Variants in TASP1 observed in about 807,000 individuals in gnomAD.
TASP1 encodes threonine aspartase 1.
A neutral mutation model predicts 56.6 loss-of-function variants in TASP1; 16 were observed. That is an observed-to-expected ratio of 0.28 (90% CI 0.19 to 0.43). The LOEUF is 0.43. TASP1 is among the 20% of genes least tolerant of loss of function. TASP1 has a pLI of 1.00. For synonymous variants in TASP1, 179 were observed against 184.2 expected (o/e 0.97, Z 0.23); for missense variants, 393 against 511.6 (o/e 0.77, Z 2.24).
At chr20:13,381,869 G>A in the TASP1 span, among the ~76,000 whole-genome samples, 1 of 152,194 alleles carries the variant, frequency 6.6e-6, no homozygotes, top group African/African-American at 2.4e-5. Context: ...GCGGGGCAAG[G>A]GTGATTGGGA....
chr20:13,137,214 A>G, the TASP1 span, among the ~76,000 whole-genome samples: 1 of 152,180 alleles, frequency 6.6e-6, no homozygotes, highest in Non-Finnish European at 1.5e-5. Context: ...CCTCCTCACA[A>G]TAAATCTTTC....
chr20:13,609,301 A>G (rs1347172760), intron 4 of TASP1, among the ~76,000 whole-genome samples: 1 of 152,236 alleles, frequency 6.6e-6, no homozygotes, highest in Admixed American at 6.5e-5. Flanking sequence ...AAGTGCTAAC[A>G]AAGATGTAGA....
At chr20:13,240,910 A>G in the TASP1 span, among the ~76,000 whole-genome samples, 1 of 152,150 alleles carries the variant, frequency 6.6e-6, no homozygotes, top group Non-Finnish European at 1.5e-5. Context: ...TTTATATGGG[A>G]CATGTGGAAT....
the TASP1 span, among the ~76,000 whole-genome samples, chr20:13,246,336 C>G: frequency 0.036 from 5,429 of 151,824 alleles, 168 homozygotes; most frequent in African/African-American, 0.076. Context: ...TCTGAACCCT[C>G]ACAGCATGGT....
In TASP1 at chr20:13,562,212, A is replaced by G. The variant is rs181104820; in HGVS notation, c.569-3098T>C. 1.5e-3 allele frequency among the ~76,000 whole-genome samples: 226 copies of G among 152,332 alleles called. 1 individual carries two copies. The highest frequency in any genetic ancestry group is 4.8e-3 in the African/African-American group (201 of 41,588). On this transcript the variant is annotated intron_variant, in intron 7 of 13. Transcript: ENST00000337743. The stretch of plus-strand genomic sequence containing the variant: ...CACAAAGGAATCAGAAAATCCTCAG[A>G]TAAGAATAAAAATTAATACACCAAA...
chr20:13,383,277 T>C, the TASP1 span, among the ~76,000 whole-genome samples: 1 of 152,276 alleles, frequency 6.6e-6, no homozygotes, highest in Middle Eastern at 3.4e-3. Flanking sequence ...GCAGAACCTA[T>C]TGTAATAACT....
intron 7 of TASP1, among the ~76,000 whole-genome samples, chr20:13,560,220 T>C (rs2046301127): frequency 6.6e-6 from 1 of 152,206 alleles, no homozygotes; most frequent in African/African-American, 2.4e-5. Flanking sequence ...GCAGACTAAG[T>C]TATTCAGAGT....
chr20:13,487,138 T>TA (rs1302677656), intron 10 of TASP1, among the ~76,000 whole-genome samples: 1 of 152,218 alleles, frequency 6.6e-6, no homozygotes, highest in East Asian at 1.9e-4. Flanking sequence ...CCTGTCTGGT[T>TA]AGTCTAGGAC....
chr20:13,403,689 C>G (rs2041818787), intron 13 of TASP1, among the ~76,000 whole-genome samples: 1 of 152,068 alleles, frequency 6.6e-6, no homozygotes, highest in South Asian at 2.1e-4. Context: ...ACAATCTTAC[C>G]TGGGGAACAT....
intron 8 of TASP1, among the ~76,000 whole-genome samples, chr20:13,548,142 T>A (rs1303198594): frequency 4.6e-5 from 7 of 152,172 alleles, no homozygotes; most frequent in Admixed American, 6.6e-5. Context: ...CATAGGGTCC[T>A]GGGGACTCTG....
At chr20:13,299,527 C>A in the TASP1 span, 17 of 1,400,728 alleles carry the variant, frequency 1.2e-5, no homozygotes, top group Non-Finnish European at 1.6e-5. The surrounding 1 kb of genome is among the most constrained non-coding windows in gnomAD (Gnocchi z 5.8). Context: ...ACTGACGTGC[C>A]GACTGGCGCC....
intron 4 of TASP1, among the ~76,000 whole-genome samples, chr20:13,615,763 A>C (rs1277545007): frequency 6.6e-6 from 1 of 152,070 alleles, no homozygotes; most frequent in Non-Finnish European, 1.5e-5. Context: ...TCGGCCTCCC[A>C]AAGTGCTGGG....
intron 13 of TASP1, chr20:13,392,950 G>A (rs1402789369): frequency 6.5e-6 from 4 of 611,796 alleles, no homozygotes; most frequent in South Asian, 4.3e-5. Flanking sequence ...TGCTGGTGCT[G>A]AGTACATTAT....
intron 10 of TASP1, among the ~76,000 whole-genome samples, chr20:13,495,637 A>G (rs2043693398): frequency 2.0e-5 from 3 of 152,200 alleles, no homozygotes; most frequent in Admixed American, 2.0e-4. Flanking sequence ...GCCACCTCAA[A>G]TGAGTTAGGT....
chr20:13,392,716 C>T (rs1049610258), intron 13 of TASP1: 10 of 564,814 alleles, frequency 1.8e-5, no homozygotes, highest in Admixed American at 3.8e-5. Context: ...TTGGCAGTAT[C>T]GGGCGCTGGT....
the TASP1 span, among the ~76,000 whole-genome samples, chr20:13,240,169 G>A: frequency 6.7e-4 from 102 of 152,276 alleles, no homozygotes; most frequent in African/African-American, 2.2e-3. Flanking sequence ...CTTTCATATC[G>A]CGTGGCTGTG....
At chr20:13,111,609 T>C in the TASP1 span, among the ~76,000 whole-genome samples, 1 of 152,156 alleles carries the variant, frequency 6.6e-6, no homozygotes, top group African/African-American at 2.4e-5. Context: ...TGGGCTGTCA[T>C]AACCTCAAGC....
intron 4 of TASP1, among the ~76,000 whole-genome samples, chr20:13,604,742 A>G (rs892217154): frequency 6.6e-6 from 1 of 152,184 alleles, no homozygotes; most frequent in African/African-American, 2.4e-5. Flanking sequence ...TATAACCACT[A>G]AAATGACTAA....
At chr20:13,344,324 A>C in the TASP1 span, among the ~76,000 whole-genome samples, 4 of 152,176 alleles carry the variant, frequency 2.6e-5, no homozygotes, top group Admixed American at 1.3e-4. Flanking sequence ...TTGGATTCCC[A>C]AGCCCAAGTT....
Sources: gnomAD v4.1 joint callset for allele counts (sites outside exome capture counted in the v4.1 genomes callset) on GRCh38, gnomAD v4.1.1 for gene constraint, Gnocchi (gnomAD v3.1) non-coding constraint, MANE v1.5 for transcripts, NCBI Gene and HGNC (gene_info 2026-07-23, HGNC 2026-07-21) for gene names.